The following C10orf67 variants were observed in gnomAD, a reference collection of about 807,000 sequenced individuals.
C10orf67 encodes the protein chromosome 10 open reading frame 67, also known as uncharacterized protein C10orf67, mitochondrial.
C10orf67 carries 60 observed loss-of-function variants against 35.6 expected under a neutral mutation model. That is an observed-to-expected ratio of 1.68 (90% CI 1.37 to 2.09). The LOEUF is 2.09. Ranked by LOEUF, C10orf67 falls within the 30% of genes most tolerant of loss-of-function variation. C10orf67 has a pLI of 0.00. For missense variants in C10orf67, 474 were observed against 330.2 expected, an observed-to-expected ratio of 1.44 and a Z score of -3.38; for synonymous variants, 167 against 115.8, an observed-to-expected ratio of 1.44 and a Z score of -2.84.
At position 23,280,788 on chromosome 10, in the gene C10orf67, A is replaced by G. The variant is rs144314795; in HGVS notation, c.975+1225T>C. Among the ~76,000 whole-genome samples, 179 of 152,340 alleles carry G rather than the reference A, an allele frequency of 1.2e-3. 1 individual carries two copies. The highest frequency in any genetic ancestry group is 4.1e-3 in the African/African-American group (171 of 41,576). On this transcript the variant is annotated intron_variant, in intron 8 of 15. Coordinates refer to ENST00000636213, the MANE Select transcript of C10orf67 (RefSeq NM_001371909.1). ...GGCAAAGTAATTCAAAGAGTATGGG[A>G]TCTGCTCCTAGTATAGGCACAAATT...
At chr10:23,334,109 A>G (rs956023722) in intron 1 of C10orf67, among the ~76,000 whole-genome samples, 10 of 152,230 alleles carry the variant, frequency 6.6e-5, no homozygotes, top group Admixed American at 6.5e-4. Flanking sequence ...ACCAACATAA[A>G]CTAAATCTCT....
rs188402021 is a variant in C10orf67, at chr10:23,236,008, G to T, written c.1434+3721C>A. On this transcript the variant is annotated intron_variant, in intron 13 of 15. Coordinates refer to ENST00000636213, the MANE Select transcript of C10orf67 (RefSeq NM_001371909.1). ...TCAAGCCTGTAATCCCAGCACTTTG[G>T]GAGGCCGAGGCGGGCGGATCACAAG... Among the ~76,000 whole-genome samples, 457 of 152,150 alleles carry T rather than the reference G, an allele frequency of 3.0e-3. 14 individuals are homozygous for T. The East Asian group carries it at 0.05, about 17-fold the overall frequency.
intron 4 of C10orf67, 101 bp from the exon 5 acceptor site, chr10:23,303,560 C>T: frequency 2.3e-6 from 1 of 439,682 alleles, no homozygotes; most frequent in Non-Finnish European, 4.1e-6. Flanking sequence ...TAGACACCAC[C>T]AGAAAACATT....
intron 15 of C10orf67, among the ~76,000 whole-genome samples, chr10:23,217,742 G>A (rs945168868): frequency 2.6e-5 from 4 of 152,130 alleles, no homozygotes; most frequent in East Asian, 3.9e-4. Context: ...TAAGGAATGC[G>A]ATTAGTGGTA....
chr10:23,307,993 TCAAA>T lies in C10orf67; in HGVS notation c.547-4538_547-4535del, dbSNP rs377715693. The stretch of plus-strand genomic sequence containing the variant: ...ATCTATTCTTACATATGTCTACAGC[TCAAA>T]CACTCTGCTAAGGTCAACACACATT... On this transcript the variant is annotated intron_variant, in intron 4 of 15. Transcript: ENST00000636213. 2.0e-4 allele frequency among the ~76,000 whole-genome samples: 30 copies of T among 152,230 alleles called. No homozygotes were observed. The South Asian group carries it at 4.8e-3, about 24-fold the overall frequency.
At chr10:23,244,849 T>C (rs920986789) in intron 12 of C10orf67, among the ~76,000 whole-genome samples, 4 of 152,192 alleles carry the variant, frequency 2.6e-5, no homozygotes, top group African/African-American at 9.6e-5. Flanking sequence ...GGAAAAATAA[T>C]CCTAAAATTT....
intron 12 of C10orf67, among the ~76,000 whole-genome samples, chr10:23,244,574 G>T (rs1434004831): frequency 1.3e-5 from 2 of 151,836 alleles, no homozygotes; most frequent in East Asian, 1.9e-4. Context: ...TATCCAAAAA[G>T]AAATTTTTTA....
chr10:23,305,913 T>C lies in C10orf67; in HGVS notation c.547-2454A>G, dbSNP rs59936300. Among the ~76,000 whole-genome samples the C allele has an allele frequency of 8.1e-3, 1,227 of 152,156 alleles. 18 individuals carry two copies. Among genetic ancestry groups the C allele is most frequent in the African/African-American group, 0.028 (1,182 of 41,508 alleles). On this transcript the variant is annotated intron_variant, in intron 4 of 15. Coordinates refer to ENST00000636213, the MANE Select transcript of C10orf67 (RefSeq NM_001371909.1). ...AGCATTATTCACAATAGCCAAGATA[T>C]AGAAACAACCTAAATATCCATCAAC...
At chr10:23,252,558 A>G (rs1278719161) in intron 10 of C10orf67, among the ~76,000 whole-genome samples, 1 of 152,240 alleles carries the variant, frequency 6.6e-6, no homozygotes, top group Non-Finnish European at 1.5e-5. Flanking sequence ...AAATTGAGCT[A>G]AAGTAGAGAA....
chr10:23,256,241 A>T (rs1266196964), intron 10 of C10orf67, among the ~76,000 whole-genome samples: 2 of 151,994 alleles, frequency 1.3e-5, no homozygotes, highest in East Asian at 1.9e-4. Flanking sequence ...GGCTCAAGCA[A>T]TCCTCCTGCT....
rs1843384726 is a variant in C10orf67 at position 23,282,068 on chromosome 10, C to T, written c.920G>A (p.Ser307Asn). The T allele has an allele frequency of 1.7e-6, 1 of 592,646 alleles. No individual in the cohort carries two copies. The highest frequency in any genetic ancestry group is 3.1e-6 in the Non-Finnish European group (1 of 327,848). The allele number at this position is 592,646 out of a possible 1,614,324, so 36.7% of individuals were successfully genotyped here. ...AAGCTCTTCTCTTAATCTGTCTCTA[C>T]TATCCATTAACTGAAATAGAGAAGA... is the stretch of plus-strand genomic sequence containing the variant. ...DHKTIQKLMDSRDRLREELHY... is the reference protein window; with the variant it reads ...DHKTIQKLMDNRDRLREELHY... Residue 307 changes from serine (S) to asparagine (N), a missense_variant, in exon 8 of 16, where the codon AGT becomes AAT. Ser to Asn is a conservative substitution (Grantham distance 46). Transcript: ENST00000636213.
At chr10:23,281,180 T>C (rs1843353720) in intron 8 of C10orf67, among the ~76,000 whole-genome samples, 2 of 152,202 alleles carry the variant, frequency 1.3e-5, no homozygotes, top group Non-Finnish European at 2.9e-5. Context: ...TCCAGGAGAA[T>C]TGTTTTGCAT....
intron 5 of C10orf67, among the ~76,000 whole-genome samples, chr10:23,301,419 G>A (rs1042021014): frequency 2.1e-4 from 32 of 152,176 alleles, no homozygotes; most frequent in South Asian, 2.1e-4. Flanking sequence ...TTAACTGTCC[G>A]ACAGGTGCCC....
At chr10:23,265,207 C>T (rs908304140) in intron 10 of C10orf67, among the ~76,000 whole-genome samples, 23 of 152,352 alleles carry the variant, frequency 1.5e-4, no homozygotes, top group Admixed American at 1.4e-3. Context: ...ACAAGCCTGG[C>T]CTTGCTCTAC....
intron 10 of C10orf67, among the ~76,000 whole-genome samples, chr10:23,252,902 G>A (rs942800160): frequency 1.3e-5 from 2 of 151,500 alleles, no homozygotes; most frequent in African/African-American, 4.9e-5. Context: ...CCCACGTGTT[G>A]TGGGAGAGAC....
Position 23,203,974 on chromosome 10 carries a change from G to A in C10orf67, c.*199C>T. The A allele has an allele frequency of 2.7e-6, 1 of 368,662 alleles. No homozygotes were observed. Among genetic ancestry groups the A allele is most frequent in the Non-Finnish European group, 4.8e-6 (1 of 207,778 alleles). 22.8% of individuals were successfully genotyped at this position (368,662 alleles called of 1,614,324 possible). The stretch of plus-strand genomic sequence containing the variant: ...ACCAGCCAGGGCTTTCCTTAAAGGC[G>A]TGGAAAGGAGCGCGCACAAGGCGCG... On this transcript the variant is annotated 3_prime_UTR_variant, in exon 16 of 16. Coordinates refer to ENST00000636213, the MANE Select transcript of C10orf67 (RefSeq NM_001371909.1).
At position 23,298,364 on chromosome 10, in the gene C10orf67, T is replaced by C. The variant is rs140056802; in HGVS notation, c.702+4940A>G. 2.6e-5 allele frequency among the ~76,000 whole-genome samples: 4 copies of C among 152,330 alleles called. No homozygotes were observed. The East Asian group carries it at 7.7e-4, about 29-fold the overall frequency. On this transcript the variant is annotated intron_variant, in intron 5 of 15. Transcript: ENST00000636213. ...GTTGCAAGCTCATCCCTCAGACCTGTGTGAGGACTCCTAGAGCTATTCCTG... is the reference window on the plus strand; with the variant it reads ...GTTGCAAGCTCATCCCTCAGACCTGCGTGAGGACTCCTAGAGCTATTCCTG...
At chr10:23,254,740 A>T (rs762214520) in intron 10 of C10orf67, among the ~76,000 whole-genome samples, 76 of 152,300 alleles carry the variant, frequency 5.0e-4, no homozygotes, top group Non-Finnish European at 8.1e-4. Context: ...AGAAGAAGCA[A>T]ATTATGTTTA....
At chr10:23,312,614 A>G (rs182920900) in intron 4 of C10orf67, among the ~76,000 whole-genome samples, 13 of 152,264 alleles carry the variant, frequency 8.5e-5, no homozygotes, top group Non-Finnish European at 1.0e-4. Flanking sequence ...GAACTAGGAT[A>G]TACATAAATG....
Sources: gnomAD v4.1 joint callset for allele counts (sites outside exome capture counted in the v4.1 genomes callset) on GRCh38, gnomAD v4.1.1 for gene constraint, MANE v1.5 for transcripts, NCBI Gene and HGNC (gene_info 2026-07-23, HGNC 2026-07-21) for gene names.